Variants in GULP1 observed in about 807,000 individuals in gnomAD.
GULP1 encodes GULP PTB domain containing engulfment adaptor 1.
Under a neutral mutation model 40.9 loss-of-function variants are expected in GULP1, and 19 were observed. That is an observed-to-expected ratio of 0.46 (90% CI 0.32 to 0.68). GULP1 has a LOEUF of 0.68. Among genes scored for constraint, GULP1 ranks in the 30% least tolerant of loss-of-function variants. The probability of loss-of-function intolerance (pLI) is 0.03; values close to 1 mark genes in which losing one functional copy is unlikely to be tolerated. For synonymous variants in GULP1, 119 were observed against 117.6 expected (o/e 1.01, Z -0.08); for missense variants, 312 against 362.2 (o/e 0.86, Z 1.12).
intron 3 of GULP1, among the ~76,000 whole-genome samples, chr2:188,478,805 T>A (rs1559288354): frequency 6.6e-6 from 1 of 152,250 alleles, no homozygotes; most frequent in South Asian, 2.1e-4. Context: ...TATGGATGGA[T>A]AATGAATAGT....
At chr2:188,404,136 G>T (rs895252797) in intron 2 of GULP1, among the ~76,000 whole-genome samples, 4 of 152,052 alleles carry the variant, frequency 2.6e-5, no homozygotes, top group African/African-American at 9.7e-5. Context: ...ATCTAAAAGG[G>T]AGTCAAGCAG....
At position 188,595,440 on chromosome 2, in the gene GULP1, TTATATGG is replaced by T. The variant is rs1390161246; in HGVS notation, c.*1435_*1441del. 1 of 152,196 alleles carries T rather than the reference TTATATGG, an allele frequency of 6.6e-6. No homozygotes were observed. 9.4% of individuals were successfully genotyped at this position (152,196 alleles called of 1,614,324 possible). Reference sequence around the variant, plus strand: ...TATATTTGTGTGTTTTTCCTTAATGTTATATGGTATATATGAGCCTTCTTGTTTAGTT... The same window carrying T: ...TATATTTGTGTGTTTTTCCTTAATGTTATATATGAGCCTTCTTGTTTAGTT... On this transcript the variant is annotated 3_prime_UTR_variant, in exon 12 of 12. Transcript: ENST00000409830.
chr2:188,435,504 T>G (rs142603682), intron 2 of GULP1, among the ~76,000 whole-genome samples: 93 of 152,220 alleles, frequency 6.1e-4, no homozygotes, highest in Middle Eastern at 6.8e-3. Flanking sequence ...TAATTTCCTA[T>G]GTCTTATAAC....
At chr2:188,414,255 T>C (rs911635304) in intron 2 of GULP1, among the ~76,000 whole-genome samples, 4 of 150,990 alleles carry the variant, frequency 2.6e-5, no homozygotes, top group Non-Finnish European at 5.9e-5. Context: ...AGAGAAATGG[T>C]TCATTGATTG....
chr2:188,457,408 G>A (rs1262254933), intron 2 of GULP1, among the ~76,000 whole-genome samples: 1 of 152,118 alleles, frequency 6.6e-6, no homozygotes, highest in Non-Finnish European at 1.5e-5. Flanking sequence ...TAGTGAATGA[G>A]TCTCACAAGA....
intron 7 of GULP1, among the ~76,000 whole-genome samples, chr2:188,545,779 G>A (rs1691780686): frequency 6.6e-6 from 1 of 151,894 alleles, no homozygotes; most frequent in African/African-American, 2.4e-5. Flanking sequence ...GTTAAAATAT[G>A]TTGTTAAGGT....
intron 4 of GULP1, chr2:188,491,534 A>G (rs2062390934): frequency 1.3e-5 from 2 of 152,240 alleles, no homozygotes; most frequent in Middle Eastern, 6.8e-3. Flanking sequence ...AGATGTGAAC[A>G]CAGAAATTGA....
intron 7 of GULP1, among the ~76,000 whole-genome samples, chr2:188,552,185 T>A (rs1225041265): frequency 6.6e-6 from 1 of 151,608 alleles, no homozygotes; most frequent in Non-Finnish European, 1.5e-5. Flanking sequence ...TAAGTACCAT[T>A]TGTCCATTTT....
chr2:188,496,833 G>A (rs145094585), intron 4 of GULP1, among the ~76,000 whole-genome samples: 192 of 151,990 alleles, frequency 1.3e-3, no homozygotes, highest in Middle Eastern at 6.8e-3. Context: ...CCTTGATGTT[G>A]TCCTGGCGAG....
intron 2 of GULP1, among the ~76,000 whole-genome samples, chr2:188,399,099 C>G (rs546427719): frequency 7.2e-5 from 11 of 152,194 alleles, no homozygotes; most frequent in African/African-American, 1.2e-4. Flanking sequence ...TTTGAAGAGT[C>G]TCTTATTCTT....
intron 2 of GULP1, among the ~76,000 whole-genome samples, chr2:188,461,003 T>C (rs2059658743): frequency 6.6e-6 from 1 of 152,250 alleles, no homozygotes; most frequent in Admixed American, 6.5e-5. Context: ...TCATGATGAA[T>C]AATCTTTTAA....
intron 2 of GULP1, among the ~76,000 whole-genome samples, chr2:188,387,106 A>G (rs565459168): frequency 6.6e-6 from 1 of 152,024 alleles, no homozygotes; most frequent in South Asian, 2.1e-4. Flanking sequence ...TGTGGTGGCA[A>G]GTGCCTGTAA....
chr2:188,377,071 C>T (rs2048384484), intron 1 of GULP1, among the ~76,000 whole-genome samples: 1 of 151,878 alleles, frequency 6.6e-6, no homozygotes, highest in Non-Finnish European at 1.5e-5. Flanking sequence ...ACTTGGGAGG[C>T]TGAGGCAGGA....
chr2:188,560,363 A>G (rs1695921168), intron 7 of GULP1, among the ~76,000 whole-genome samples: 1 of 152,218 alleles, frequency 6.6e-6, no homozygotes, highest in Admixed American at 6.5e-5. Flanking sequence ...CAATAAGTTC[A>G]TCATTTATAT....
intron 7 of GULP1, among the ~76,000 whole-genome samples, chr2:188,554,940 A>G (rs529892251): frequency 6.6e-6 from 1 of 152,090 alleles, no homozygotes; most frequent in African/African-American, 2.4e-5. Flanking sequence ...CTTAAAGCCT[A>G]TTTTATCTAA....
intron 1 of GULP1, among the ~76,000 whole-genome samples, chr2:188,335,262 G>C (rs944837144): frequency 2.0e-5 from 3 of 152,098 alleles, no homozygotes; most frequent in Non-Finnish European, 4.4e-5. Context: ...CTTTTGGCAG[G>C]GGGGAAGAGA....
rs945206624 is a variant in GULP1 at position 188,521,865 on chromosome 2, A to T, written c.91-891A>T. On this transcript the variant is annotated intron_variant, in intron 4 of 11. Coordinates refer to ENST00000409830, the MANE Select transcript of GULP1 (RefSeq NM_016315.4). ...GTGGAAGCAGGCGGATCACGAGGTC[A>T]GGAGATCGAGACCATCCTGGCTAAC... Among the ~76,000 whole-genome samples the T allele has an allele frequency of 2.0e-5, 3 of 152,174 alleles. No individual in the cohort carries two copies. The East Asian group carries it at 5.8e-4, about 29-fold the overall frequency.
intron 2 of GULP1, among the ~76,000 whole-genome samples, chr2:188,422,125 C>G (rs976792547): frequency 6.7e-6 from 1 of 148,828 alleles, no homozygotes; most frequent in African/African-American, 2.5e-5. Context: ...CATAATCTAC[C>G]TTTTCATTTC....
At position 188,594,210 on chromosome 2, in the gene GULP1, A is replaced by C; in HGVS notation, c.*199A>C. 2.5e-6 allele frequency: 1 copy of C among 396,656 alleles called. No homozygotes were observed. The allele number at this position is 396,656 out of a possible 1,614,324, so 24.6% of individuals were successfully genotyped here. ...TTTTAAAAACAGCTTACTGTAAAGT[A>C]GATCATACTTTTATGTTCCTTTCTG... On this transcript the variant is annotated 3_prime_UTR_variant, in exon 12 of 12. Transcript: ENST00000409830.
Sources: gnomAD v4.1 joint callset for allele counts (sites outside exome capture counted in the v4.1 genomes callset) on GRCh38, gnomAD v4.1.1 for gene constraint, MANE v1.5 for transcripts, NCBI Gene and HGNC (gene_info 2026-07-23, HGNC 2026-07-21) for gene names.